COG5: variants seen among roughly 807,000 people sequenced by gnomAD.
COG5 encodes the protein conserved oligomeric Golgi complex subunit 5.
In COG5, 86 loss-of-function variants were observed where a neutral mutation model predicts 110.4. The ratio of observed to expected loss-of-function variants is 0.78; its 90% confidence interval spans 0.65 to 0.93. The LOEUF (loss-of-function observed/expected upper bound fraction) is 0.93. COG5 is among the 40% of genes least tolerant of loss of function. The pLI, the probability that COG5 is intolerant of heterozygous loss-of-function variation, is 0.00. For synonymous variants in COG5, 360 were observed against 334.6 expected (o/e 1.08, Z -0.83); for missense variants, 1,077 against 987.0 (o/e 1.09, Z -1.22).
chr7:107,479,979 G>T (rs1312757600), intron 6 of COG5, among the ~76,000 whole-genome samples: 2 of 151,978 alleles, frequency 1.3e-5, no homozygotes, highest in Non-Finnish European at 2.9e-5. Context: ...CTTATTATGG[G>T]CATCCATCCA....
At chr7:107,297,972 C>T (rs894141750) in intron 12 of COG5, among the ~76,000 whole-genome samples, 170 bp downstream of exon 12, 1 of 152,022 alleles carries the variant, frequency 6.6e-6, no homozygotes, top group Non-Finnish European at 1.5e-5. Context: ...GAAAAATTGA[C>T]TTATTCAGTT....
chr7:107,315,728 T>C (rs930631312), intron 11 of COG5, among the ~76,000 whole-genome samples: 4 of 152,182 alleles, frequency 2.6e-5, no homozygotes, highest in African/African-American at 9.7e-5. Flanking sequence ...ACTTCCTTAA[T>C]ATTGCCTGTC....
At chr7:107,328,827 T>A (rs568214132) in intron 10 of COG5, among the ~76,000 whole-genome samples, 1 of 152,260 alleles carries the variant, frequency 6.6e-6, no homozygotes, top group South Asian at 2.1e-4. Flanking sequence ...ATGTTTTTAT[T>A]ATTATTATTT....
chr7:107,543,606 G>A (rs920761912), intron 5 of COG5, among the ~76,000 whole-genome samples: 22 of 152,198 alleles, frequency 1.4e-4, no homozygotes, highest in African/African-American at 5.1e-4. Flanking sequence ...GCTAGCCCTA[G>A]TGCCAGGTTA....
At chr7:107,424,222 G>A (rs1192063432) in intron 6 of COG5, among the ~76,000 whole-genome samples, 1 of 151,986 alleles carries the variant, frequency 6.6e-6, no homozygotes, top group African/African-American at 2.4e-5. Flanking sequence ...GCAGTGAGCT[G>A]AGGTCATGCC....
intron 6 of COG5, among the ~76,000 whole-genome samples, chr7:107,476,334 A>G (rs1194534914): frequency 6.6e-6 from 1 of 151,472 alleles, no homozygotes; most frequent in Non-Finnish European, 1.5e-5. Context: ...TCATTATAGA[A>G]AAGTCTAACA....
At chr7:107,341,181 C>A (rs1211092156) in intron 10 of COG5, among the ~76,000 whole-genome samples, 1 of 152,112 alleles carries the variant, frequency 6.6e-6, no homozygotes, top group Non-Finnish European at 1.5e-5. Context: ...AGCAAAGTTT[C>A]AGGAAACAAA....
At chr7:107,266,135 G>C (rs1437662764) in intron 14 of COG5, among the ~76,000 whole-genome samples, 2 of 152,114 alleles carry the variant, frequency 1.3e-5, no homozygotes, top group African/African-American at 4.8e-5. Flanking sequence ...ACTTTATGTG[G>C]AATCCAGGGT....
At chr7:107,393,955 G>T (rs1458614559) in intron 7 of COG5, among the ~76,000 whole-genome samples, 2 of 149,968 alleles carry the variant, frequency 1.3e-5, no homozygotes, top group African/African-American at 4.9e-5. Flanking sequence ...GGGTAGAAAA[G>T]ATATTTATTA....
chr7:107,388,894 C>T (rs190108775), intron 7 of COG5, among the ~76,000 whole-genome samples: 196 of 152,288 alleles, frequency 1.3e-3, no homozygotes, highest in Admixed American at 2.8e-3. Context: ...AACAATGCGG[C>T]TTCCACAGAC....
intron 6 of COG5, among the ~76,000 whole-genome samples, chr7:107,504,927 T>C (rs1469518267): frequency 2.0e-5 from 3 of 152,162 alleles, no homozygotes; most frequent in Non-Finnish European, 4.4e-5. Context: ...ATCCATTTTG[T>C]TTATCTCTCA....
chr7:107,365,183 AAT>A (rs1341708008), intron 8 of COG5, among the ~76,000 whole-genome samples: 2 of 152,170 alleles, frequency 1.3e-5, no homozygotes, highest in African/African-American at 4.8e-5. Flanking sequence ...CAAGAAACAA[AAT>A]AGTCTCTTAA....
intron 11 of COG5, among the ~76,000 whole-genome samples, chr7:107,309,462 TG>T (rs1423313064): frequency 6.6e-6 from 1 of 152,172 alleles, no homozygotes; most frequent in Non-Finnish European, 1.5e-5. Context: ...GACTATAGCA[TG>T]GAACAGAGGT....
At position 107,283,559 on chromosome 7, in the gene COG5, A is replaced by G; in HGVS notation, c.1475+12T>C. ...TCATCTTATGGCAAGCCACTATATA[A>G]AAAATACATACCTTGCTATAGTTTT... On this transcript the variant is annotated intron_variant, in intron 13 of 21. Transcript: ENST00000297135. 6.2e-7 allele frequency: 1 copy of G among 1,611,308 alleles called. No homozygotes were observed. The highest frequency in any genetic ancestry group is 2.2e-5 in the East Asian group (1 of 44,842).
intron 7 of COG5, among the ~76,000 whole-genome samples, chr7:107,387,927 G>T (rs569756793): frequency 2.6e-5 from 4 of 152,274 alleles, no homozygotes; most frequent in East Asian, 1.9e-4. Flanking sequence ...TTCAGCAATT[G>T]CTAGATCAAC....
At chr7:107,485,401 A>T (rs571332221) in intron 6 of COG5, among the ~76,000 whole-genome samples, 6 of 152,202 alleles carry the variant, frequency 3.9e-5, no homozygotes, top group Non-Finnish European at 8.8e-5. Flanking sequence ...ACACTACACA[A>T]ATGTTTTATC....
chr7:107,548,024 T>C, intron 5 of COG5, 87 bp downstream of exon 5: 1 of 1,112,140 alleles, frequency 9.0e-7, no homozygotes, highest in Non-Finnish European at 1.3e-6. Context: ...ATTCTCTTAC[T>C]TCTTCCAAAC....
intron 11 of COG5, among the ~76,000 whole-genome samples, chr7:107,316,691 G>T (rs1808787883): frequency 1.3e-5 from 2 of 150,172 alleles, no homozygotes; most frequent in South Asian, 2.1e-4. Context: ...AATTAGCCAG[G>T]CGTGGTGGCG....
chr7:107,464,195 C>G (rs564526017), intron 6 of COG5, among the ~76,000 whole-genome samples: 1 of 152,226 alleles, frequency 6.6e-6, no homozygotes, highest in Non-Finnish European at 1.5e-5. Context: ...CACTCAGACT[C>G]CACAAATGAA....
Sources: gnomAD v4.1 joint callset for allele counts (sites outside exome capture counted in the v4.1 genomes callset) on GRCh38, gnomAD v4.1.1 for gene constraint, MANE v1.5 for transcripts, NCBI Gene and HGNC (gene_info 2026-07-23, HGNC 2026-07-21) for gene names.